The following TOX variants were observed in gnomAD, a reference collection of about 807,000 sequenced individuals.
The protein encoded by TOX is thymocyte selection associated high mobility group box, also known as thymocyte selection-associated high mobility group box protein TOX.
TOX carries 11 observed loss-of-function variants against 53.7 expected under a neutral mutation model. The observed-to-expected ratio is 0.20, with a 90% CI of 0.13 to 0.34. The LOEUF is 0.34. Ranked by LOEUF, TOX falls within the 10% of genes least tolerant of loss-of-function variation. The probability of loss-of-function intolerance (pLI) is 1.00; values close to 1 mark genes in which losing one functional copy is unlikely to be tolerated. For missense variants in TOX, 570 were observed against 664.6 expected, an observed-to-expected ratio of 0.86 and a Z score of 1.56; for synonymous variants, 225 against 245.3, an observed-to-expected ratio of 0.92 and a Z score of 0.77.
chr8:58,815,266 A>C (rs1261635313), intron 7 of TOX, 72 bp downstream of exon 7: 2 of 1,509,204 alleles, frequency 1.3e-6, no homozygotes, highest in Non-Finnish European at 1.8e-6. Flanking sequence ...CTGGATAAAC[A>C]GCTCCCCCCA....
At chr8:59,015,953 CT>C (rs1408655265) in intron 1 of TOX, among the ~76,000 whole-genome samples, 1 of 152,110 alleles carries the variant, frequency 6.6e-6, no homozygotes, top group African/African-American at 2.4e-5. Context: ...TACCACTAAT[CT>C]TTTTTCCCCC....
At chr8:59,064,125 C>T (rs1804045317) in intron 1 of TOX, among the ~76,000 whole-genome samples, 1 of 151,968 alleles carries the variant, frequency 6.6e-6, no homozygotes, top group South Asian at 2.1e-4. Flanking sequence ...GATATTAGTG[C>T]CTATTGTAAT....
chr8:58,935,203 TATA>T (rs964400744), intron 3 of TOX, among the ~76,000 whole-genome samples: 10 of 152,248 alleles, frequency 6.6e-5, no homozygotes, highest in South Asian at 2.1e-4. Flanking sequence ...GTAACACATC[TATA>T]ATATCTCATA....
intron 3 of TOX, among the ~76,000 whole-genome samples, chr8:58,932,491 ACAT>A (rs1313952407): frequency 7.9e-5 from 12 of 152,212 alleles, no homozygotes; most frequent in Non-Finnish European, 1.8e-4. Flanking sequence ...AAATGGGCTG[ACAT>A]CATAAGCTCC....
At chr8:59,068,079 T>A (rs1804126366) in intron 1 of TOX, among the ~76,000 whole-genome samples, 1 of 152,228 alleles carries the variant, frequency 6.6e-6, no homozygotes, top group African/African-American at 2.4e-5. Flanking sequence ...TCATGTTCTA[T>A]AAATATCTGA....
intron 5 of TOX, among the ~76,000 whole-genome samples, chr8:58,831,129 C>T (rs2129166253): frequency 6.6e-6 from 1 of 152,236 alleles, no homozygotes; most frequent in Non-Finnish European, 1.5e-5. Flanking sequence ...CTATGGATTC[C>T]TTTTGAGGAC....
rs2129164638 is a variant in TOX at position 58,815,543 on chromosome 8, A to G, written c.1187T>C (p.Ile396Thr). 3 of 1,614,074 alleles carry G rather than the reference A, an allele frequency of 1.9e-6. No homozygotes were observed. Among genetic ancestry groups the G allele is most frequent in the Non-Finnish European group, 2.5e-6 (3 of 1,180,006 alleles). The part of the protein sequence containing the change: ...TAMHPSLPRN[I>T]APKPNNQMPV... Reference sequence around the variant, plus strand: ...CATTTGGTTATTCGGCTTGGGGGCTATGTTCCTGGGGAGACTAGGATGCAT... The same window carrying G: ...CATTTGGTTATTCGGCTTGGGGGCTGTGTTCCTGGGGAGACTAGGATGCAT... Residue 396 changes from isoleucine to threonine, a missense_variant, in exon 7 of 9, where the codon ATA becomes ACA. By Grantham distance (89) the Ile-to-Thr change is moderately conservative (BLOSUM62 -1). Coordinates refer to ENST00000361421, the MANE Select transcript of TOX (RefSeq NM_014729.3).
chr8:59,019,428 A>C (rs544169684), intron 1 of TOX, among the ~76,000 whole-genome samples: 2 of 152,358 alleles, frequency 1.3e-5, no homozygotes, highest in East Asian at 3.9e-4. Flanking sequence ...CACTAGGCAC[A>C]GAGAGAAAGA....
At chr8:58,942,050 T>A (rs1812451497) in intron 2 of TOX, among the ~76,000 whole-genome samples, 1 of 102,218 alleles carries the variant, frequency 9.8e-6, no homozygotes, top group Admixed American at 1.1e-4. Flanking sequence ...CAAGACTCTG[T>A]CTCAAAAAAA....
At chr8:59,110,785 CAG>C (rs1384546430) in intron 1 of TOX, among the ~76,000 whole-genome samples, 1 of 151,880 alleles carries the variant, frequency 6.6e-6, no homozygotes, top group African/African-American at 2.4e-5. Flanking sequence ...ACTGTACCTA[CAG>C]AGACCCCATT....
chr8:59,106,307 A>AG (rs776076858), intron 1 of TOX, among the ~76,000 whole-genome samples: 21 of 147,676 alleles, frequency 1.4e-4, no homozygotes, highest in African/African-American at 4.3e-4. Flanking sequence ...AGTACTCTTT[A>AG]GGGGGGAAAA....
chr8:59,056,602 A>C (rs1803893224), intron 1 of TOX, among the ~76,000 whole-genome samples: 1 of 152,194 alleles, frequency 6.6e-6, no homozygotes, highest in African/African-American at 2.4e-5. Flanking sequence ...TAAAGGATTG[A>C]ATCTGAGCTT....
chr8:59,015,110 G>A (rs1813982694), intron 1 of TOX, among the ~76,000 whole-genome samples: 1 of 152,222 alleles, frequency 6.6e-6, no homozygotes. Flanking sequence ...AAATCTAAAT[G>A]TCAACAGTGG....
At chr8:59,069,389 TA>T (rs1804153312) in intron 1 of TOX, among the ~76,000 whole-genome samples, 1 of 152,152 alleles carries the variant, frequency 6.6e-6, no homozygotes, top group African/African-American at 2.4e-5. Flanking sequence ...GGAGAGGTGT[TA>T]TGTTTGATCT....
intron 3 of TOX, among the ~76,000 whole-genome samples, chr8:58,853,205 G>C (rs539501687): frequency 6.6e-6 from 1 of 152,040 alleles, no homozygotes; most frequent in Non-Finnish European, 1.5e-5. Context: ...CAGTCTTCAC[G>C]CACAGTTCAA....
intron 1 of TOX, among the ~76,000 whole-genome samples, chr8:59,052,790 T>A (rs1241463571): frequency 6.6e-6 from 1 of 152,152 alleles, no homozygotes; most frequent in Non-Finnish European, 1.5e-5. Context: ...ATAATATACC[T>A]CTCAAAGTGC....
At chr8:59,004,467 C>T (rs917538528) in intron 1 of TOX, among the ~76,000 whole-genome samples, 5 of 152,142 alleles carry the variant, frequency 3.3e-5, no homozygotes, top group Admixed American at 2.6e-4. Flanking sequence ...CTAACATATG[C>T]ACTAATCCAT....
Position 59,002,388 on chromosome 8 carries a change from G to C in TOX, c.103-42380C>G, listed in dbSNP as rs552566478. Among the ~76,000 whole-genome samples the C allele has an allele frequency of 3.9e-3, 597 of 151,502 alleles. 1 individual carries two copies. The highest frequency in any genetic ancestry group is 6.7e-3 in the Non-Finnish European group (451 of 67,812). ...AGGGCGGATCACGAGGTCAGGAGAT[G>C]GAGACCATCCTGGCTAACACGGTGA... On this transcript the variant is annotated intron_variant, in intron 1 of 8. Coordinates refer to ENST00000361421, the MANE Select transcript of TOX (RefSeq NM_014729.3).
chr8:59,077,148 A>T (rs891572486), intron 1 of TOX, among the ~76,000 whole-genome samples: 1 of 152,192 alleles, frequency 6.6e-6, no homozygotes, highest in Non-Finnish European at 1.5e-5. Flanking sequence ...CTCTGGGATG[A>T]ACATCTTTGA....
Sources: gnomAD v4.1 joint callset for allele counts (sites outside exome capture counted in the v4.1 genomes callset) on GRCh38, gnomAD v4.1.1 for gene constraint, MANE v1.5 for transcripts, NCBI Gene and HGNC (gene_info 2026-07-23, HGNC 2026-07-21) for gene names.